Variants in FHIT observed in about 807,000 individuals in gnomAD.
FHIT encodes fragile histidine triad diadenosine triphosphatase.
Under a neutral mutation model 17.9 loss-of-function variants are expected in FHIT, and 19 were observed. The observed-to-expected ratio is 1.06, with a 90% CI of 0.74 to 1.56. FHIT has a LOEUF of 1.56. FHIT is among the 40% of genes most tolerant of loss of function. The pLI, the probability that FHIT is intolerant of heterozygous loss-of-function variation, is 0.00. For synonymous variants in FHIT, 81 were observed against 69.7 expected (o/e 1.16, Z -0.81); for missense variants, 248 against 189.2 (o/e 1.31, Z -1.82).
intron 2 of FHIT, among the ~76,000 whole-genome samples, chr3:61,147,876 T>C (rs1311975990): frequency 6.6e-6 from 1 of 151,962 alleles, no homozygotes; most frequent in Non-Finnish European, 1.5e-5. Flanking sequence ...TAGCTACAAT[T>C]GACATTATCA....
rs115755721 is a variant in FHIT, at chr3:59,849,477, A to T, written c.348+72869T>A. Among the ~76,000 whole-genome samples the T allele has an allele frequency of 2.8e-3, 431 of 152,316 alleles. 4 individuals carry two copies. Among genetic ancestry groups the T allele is most frequent in the African/African-American group, 9.6e-3 (397 of 41,568 alleles). On this transcript the variant is annotated intron_variant, in intron 8 of 9. Transcript: ENST00000492590. Reference sequence around the variant, plus strand: ...CCAAACCACAATCTCATGGAGGCAAAATTATCAAGACTTCAATCCGATTGG... The same window carrying T: ...CCAAACCACAATCTCATGGAGGCAATATTATCAAGACTTCAATCCGATTGG...
chr3:60,934,611 T>C (rs1341037191), intron 3 of FHIT, among the ~76,000 whole-genome samples: 4 of 152,188 alleles, frequency 2.6e-5, no homozygotes, highest in Admixed American at 6.5e-5. Context: ...AAAAGTACTT[T>C]ATGAGGTAGC....
chr3:60,209,725 A>T (rs532843729), intron 5 of FHIT, among the ~76,000 whole-genome samples: 5 of 152,342 alleles, frequency 3.3e-5, no homozygotes, highest in Non-Finnish European at 5.9e-5. Context: ...AAAATGTGGT[A>T]CATATACACC....
intron 4 of FHIT, chr3:60,732,435 T>C: frequency 2.7e-6 from 2 of 739,010 alleles, no homozygotes; most frequent in South Asian, 1.3e-5. Flanking sequence ...ATATGGCATG[T>C]GAAGTCACCA....
In FHIT at chr3:60,746,875, T is replaced by C. The variant is rs544223162; in HGVS notation, c.-18+75044A>G. Among the ~76,000 whole-genome samples the C allele has an allele frequency of 3.9e-4, 59 of 152,272 alleles. 1 individual carries two copies. Among genetic ancestry groups the C allele is most frequent in the Middle Eastern group, 3.4e-3 (1 of 294 alleles). ...TAAAAGAGTTCAGCTATTGTGAAAC[T>C]TCATTCTCTTGCCAAATGGAGTTTC... On this transcript the variant is annotated intron_variant, in intron 4 of 9. Coordinates refer to ENST00000492590, the MANE Select transcript of FHIT (RefSeq NM_002012.4).
At chr3:60,556,770 G>T (rs956163395) in intron 4 of FHIT, among the ~76,000 whole-genome samples, 6 of 152,236 alleles carry the variant, frequency 3.9e-5, no homozygotes, top group African/African-American at 1.2e-4. Flanking sequence ...GCATCACCTA[G>T]GTGTGTAACG....
intron 7 of FHIT, among the ~76,000 whole-genome samples, chr3:60,006,430 A>G (rs1699926593): frequency 6.6e-6 from 1 of 152,126 alleles, no homozygotes; most frequent in South Asian, 2.1e-4. Context: ...GCCACAATCT[A>G]TTTTATAGAT....
chr3:60,989,853 G>C (rs1244247741), intron 3 of FHIT, among the ~76,000 whole-genome samples: 1 of 152,156 alleles, frequency 6.6e-6, no homozygotes, highest in Non-Finnish European at 1.5e-5. Flanking sequence ...TCTGTGCACT[G>C]CCTGGAGGTG....
chr3:60,220,828 A>C (rs1703927643), intron 5 of FHIT, among the ~76,000 whole-genome samples: 1 of 152,216 alleles, frequency 6.6e-6, no homozygotes, highest in African/African-American at 2.4e-5. Context: ...ATTTCTTCAC[A>C]GCAGTATTAG....
chr3:60,804,865 C>T (rs1461156595), intron 4 of FHIT, among the ~76,000 whole-genome samples: 1 of 152,228 alleles, frequency 6.6e-6, no homozygotes, highest in South Asian at 2.1e-4. Flanking sequence ...TCTCTGCCAT[C>T]CCAGCTGCCA....
intron 5 of FHIT, among the ~76,000 whole-genome samples, chr3:60,490,925 G>C (rs12330869): frequency 0.26 from 39,732 of 151,954 alleles, 5,839 homozygotes; most frequent in East Asian, 0.49. Flanking sequence ...CAGTCTGGTC[G>C]ATGCTTTGAC....
chr3:61,228,535 A>C (rs1206984862), intron 1 of FHIT, among the ~76,000 whole-genome samples: 3 of 152,204 alleles, frequency 2.0e-5, no homozygotes, highest in African/African-American at 7.2e-5. Context: ...ATGTCACAAA[A>C]AAACTTACAT....
chr3:59,769,550 T>A (rs1455924460), intron 8 of FHIT, among the ~76,000 whole-genome samples: 3 of 152,224 alleles, frequency 2.0e-5, no homozygotes, highest in African/African-American at 7.2e-5. Flanking sequence ...ATTACATTTT[T>A]AATCAGTATA....
chr3:60,646,455 C>G (rs1553686738), intron 4 of FHIT, among the ~76,000 whole-genome samples: 5 of 152,004 alleles, frequency 3.3e-5, no homozygotes, highest in Non-Finnish European at 1.5e-5. Context: ...CTGGGACTGT[C>G]AAAAATAAAA....
chr3:60,035,705 G>C (rs923236069), intron 5 of FHIT, among the ~76,000 whole-genome samples: 5 of 152,128 alleles, frequency 3.3e-5, no homozygotes, highest in African/African-American at 1.2e-4. Flanking sequence ...TGCTAGGATG[G>C]GTCCCAACTG....
chr3:60,032,671 C>G (rs1302525249), intron 5 of FHIT, among the ~76,000 whole-genome samples: 3 of 152,110 alleles, frequency 2.0e-5, no homozygotes, highest in Non-Finnish European at 2.9e-5. Context: ...CATTATGCCT[C>G]CCTATACACT....
intron 5 of FHIT, among the ~76,000 whole-genome samples, chr3:60,051,479 A>G (rs1246695350): frequency 2.0e-5 from 3 of 152,094 alleles, no homozygotes; most frequent in Admixed American, 1.3e-4. Flanking sequence ...ACCAGATCAA[A>G]TCAAAGACTA....
At chr3:60,378,154 G>A (rs1700653116) in intron 5 of FHIT, among the ~76,000 whole-genome samples, 1 of 151,818 alleles carries the variant, frequency 6.6e-6, no homozygotes, top group African/African-American at 2.4e-5. Flanking sequence ...AGCCTCCCGA[G>A]TAGCTGGGAC....
intron 8 of FHIT, among the ~76,000 whole-genome samples, chr3:59,904,621 C>T (rs1390657931): frequency 1.3e-5 from 2 of 152,164 alleles, no homozygotes; most frequent in Admixed American, 1.3e-4. Context: ...TGTGCTCCAG[C>T]TTCTTGTGTT....
Sources: gnomAD v4.1 joint callset for allele counts (sites outside exome capture counted in the v4.1 genomes callset) on GRCh38, gnomAD v4.1.1 for gene constraint, MANE v1.5 for transcripts, NCBI Gene and HGNC (gene_info 2026-07-23, HGNC 2026-07-21) for gene names.